The following GRM7 variants were observed in gnomAD, a reference collection of about 807,000 sequenced individuals.
GRM7 encodes metabotropic glutamate receptor 7.
A neutral mutation model predicts 84.5 loss-of-function variants in GRM7; 35 were observed. The observed-to-expected ratio is 0.41, with a 90% CI of 0.32 to 0.55. The LOEUF (loss-of-function observed/expected upper bound fraction) is 0.55, where lower values mean the gene tolerates loss of function less well. GRM7 is among the 20% of genes least tolerant of loss of function. GRM7 has a pLI of 0.19. For synonymous variants in GRM7, 487 were observed against 455.1 expected, an observed-to-expected ratio of 1.07 and a Z score of -0.89; for missense variants, 1,003 against 1,194.6, an observed-to-expected ratio of 0.84 and a Z score of 2.36.
intron 1 of GRM7, among the ~76,000 whole-genome samples, chr3:7,058,753 T>C (rs1181617952): frequency 6.6e-6 from 1 of 151,896 alleles, no homozygotes; most frequent in African/African-American, 2.4e-5. Flanking sequence ...ATGTGTCATC[T>C]TACTGCTGTG....
intron 2 of GRM7, among the ~76,000 whole-genome samples, chr3:7,173,735 G>T (rs891847143): frequency 1.3e-5 from 2 of 152,062 alleles, no homozygotes; most frequent in African/African-American, 4.8e-5. Context: ...CATTTACTCA[G>T]TTAACTCCTG....
At chr3:7,621,839 G>A (rs1368764713) in intron 8 of GRM7, among the ~76,000 whole-genome samples, 1 of 152,112 alleles carries the variant, frequency 6.6e-6, no homozygotes, top group Non-Finnish European at 1.5e-5. Context: ...GTGGCAGCCA[G>A]CTATGTTTTG....
chr3:7,242,469 T>C (rs1474173186), intron 2 of GRM7, among the ~76,000 whole-genome samples: 1 of 152,202 alleles, frequency 6.6e-6, no homozygotes, highest in Admixed American at 6.5e-5. Context: ...CTGCCCACAT[T>C]CAAACTATGC....
chr3:7,542,594 C>T (rs1007643394), intron 7 of GRM7, among the ~76,000 whole-genome samples: 1 of 147,574 alleles, frequency 6.8e-6, no homozygotes, highest in Admixed American at 6.8e-5. Flanking sequence ...TGTCGCCAGA[C>T]TGGAGTGCAG....
At chr3:7,701,792 C>T (rs979952530) in intron 9 of GRM7, among the ~76,000 whole-genome samples, 5 of 152,136 alleles carry the variant, frequency 3.3e-5, no homozygotes, top group African/African-American at 1.2e-4. Context: ...ACACAGTATC[C>T]TTCATGCATT....
At chr3:7,485,372 C>T (rs1699282290) in intron 7 of GRM7, among the ~76,000 whole-genome samples, 1 of 152,164 alleles carries the variant, frequency 6.6e-6, no homozygotes, top group Admixed American at 6.5e-5. Flanking sequence ...AACTCACCTA[C>T]TGAAAGTACC....
intron 7 of GRM7, among the ~76,000 whole-genome samples, chr3:7,472,512 G>C (rs1187204157): frequency 6.6e-6 from 1 of 152,182 alleles, no homozygotes; most frequent in African/African-American, 2.4e-5. Context: ...CAAGATGGAA[G>C]ATTAATAGGA....
intron 4 of GRM7, among the ~76,000 whole-genome samples, chr3:7,310,458 A>G (rs906379092): frequency 2.6e-5 from 4 of 152,164 alleles, no homozygotes; most frequent in Non-Finnish European, 5.9e-5. Flanking sequence ...GAACTAAAAT[A>G]TTCCTGGCTC....
chr3:6,941,223 T>C (rs1697881981), intron 1 of GRM7, among the ~76,000 whole-genome samples: 1 of 152,214 alleles, frequency 6.6e-6, no homozygotes, highest in Admixed American at 6.5e-5. Context: ...CTCAGCAGAC[T>C]GGCTAGAACC....
intron 1 of GRM7, among the ~76,000 whole-genome samples, chr3:6,981,988 A>G (rs1007755065): frequency 1.3e-5 from 2 of 152,296 alleles, no homozygotes; most frequent in East Asian, 3.9e-4. Flanking sequence ...AAAAACACAC[A>G]TGCACTCGTA....
intron 5 of GRM7, chr3:7,451,653 A>G (rs1185117635): frequency 6.6e-6 from 1 of 152,142 alleles, no homozygotes; most frequent in African/African-American, 2.4e-5. Flanking sequence ...TTGGAAGGTG[A>G]TTTAACCTCT....
chr3:7,225,736 AAATT>A (rs1303871709), intron 2 of GRM7, among the ~76,000 whole-genome samples: 1 of 151,910 alleles, frequency 6.6e-6, no homozygotes, highest in Non-Finnish European at 1.5e-5. Context: ...TAGTTTTAAT[AAATT>A]AATACGTATA....
intron 1 of GRM7, among the ~76,000 whole-genome samples, chr3:6,966,381 A>G (rs1324752524): frequency 1.3e-5 from 2 of 152,154 alleles, no homozygotes; most frequent in African/African-American, 2.4e-5. Context: ...TTGGACTAGT[A>G]CTTCTGAGAT....
At chr3:7,091,806 T>A in intron 1 of GRM7, among the ~76,000 whole-genome samples, 1 of 150,666 alleles carries the variant, frequency 6.6e-6, no homozygotes, top group East Asian at 1.9e-4. Flanking sequence ...AAACCCTGAA[T>A]TATACAGTAG....
intron 1 of GRM7, among the ~76,000 whole-genome samples, chr3:7,042,689 C>CT (rs1421676102): frequency 1.3e-5 from 2 of 152,162 alleles, no homozygotes; most frequent in African/African-American, 2.4e-5. Flanking sequence ...CTTTTAAACA[C>CT]TTTTTTGTAT....
At chr3:7,247,701 C>G (rs183967848) in intron 2 of GRM7, among the ~76,000 whole-genome samples, 7 of 149,144 alleles carry the variant, frequency 4.7e-5, no homozygotes, top group African/African-American at 1.7e-4. Flanking sequence ...AGGCAAGCCA[C>G]AAATTAGGAG....
intron 1 of GRM7, among the ~76,000 whole-genome samples, chr3:6,929,853 A>C (rs1697437619): frequency 6.6e-6 from 1 of 152,144 alleles, no homozygotes; most frequent in African/African-American, 2.4e-5. Flanking sequence ...TTAGGGGCTG[A>C]TAGAGAGTAT....
chr3:7,739,819 G>A (rs1702629555), intron 9 of GRM7, among the ~76,000 whole-genome samples: 1 of 152,162 alleles, frequency 6.6e-6, no homozygotes, highest in South Asian at 2.1e-4. Flanking sequence ...ACATCTTAAT[G>A]GAAATAGTTC....
At chr3:7,103,761 T>TCTTTCC (rs1491308389) in intron 1 of GRM7, among the ~76,000 whole-genome samples, 11 of 58,564 alleles carry the variant, frequency 1.9e-4, no homozygotes, top group African/African-American at 2.6e-4. Flanking sequence ...TTTCTTTCTT[T>TCTTTCC]CTTTCTTTCT....
Sources: gnomAD v4.1 joint callset for allele counts (sites outside exome capture counted in the v4.1 genomes callset) on GRCh38, gnomAD v4.1.1 for gene constraint, MANE v1.5 for transcripts, NCBI Gene and HGNC (gene_info 2026-07-23, HGNC 2026-07-21) for gene names.